Variants in DSCAM observed in about 807,000 individuals in gnomAD.
DSCAM encodes cell adhesion molecule DSCAM.
In DSCAM, 47 loss-of-function variants were observed where a neutral mutation model predicts 217.7. The observed-to-expected ratio is 0.22, with a 90% CI of 0.17 to 0.28. The LOEUF is 0.28. DSCAM is among the 10% of genes least tolerant of loss of function. The pLI is 1.00. For missense variants in DSCAM, 2,080 were observed against 2,618.3 expected, an observed-to-expected ratio of 0.79 and a Z score of 4.49; for synonymous variants, 1,056 against 1,015.3, an observed-to-expected ratio of 1.04 and a Z score of -0.76.
At chr21:40,404,008 A>G (rs1245817782) in intron 3 of DSCAM, among the ~76,000 whole-genome samples, 1 of 152,204 alleles carries the variant, frequency 6.6e-6, no homozygotes, top group Non-Finnish European at 1.5e-5. Flanking sequence ...AGAAACTGAC[A>G]TAGATTATCT....
chr21:40,330,907 C>A (rs549271914), intron 8 of DSCAM, among the ~76,000 whole-genome samples: 6 of 152,146 alleles, frequency 3.9e-5, no homozygotes, highest in Non-Finnish European at 7.4e-5. Context: ...TTCCCCAGGT[C>A]TATATTTCTC....
In DSCAM at chr21:40,042,563, A is replaced by G; in HGVS notation, c.5494T>C (p.Phe1832Leu). The G allele has an allele frequency of 6.2e-7, 1 of 1,614,104 alleles. No homozygotes were observed. Among genetic ancestry groups the G allele is most frequent in the South Asian group, 1.1e-5 (1 of 91,078 alleles). Reference protein sequence around the residue: ...KMEEQLRHAKFTITECFISDT... With the variant: ...KMEEQLRHAKLTITECFISDT... ...GATATGAAGCACTCCGTGATGGTGA[A>G]CTTGGCGTGCCTCAGTTGCTCTTCC... The change falls in exon 32 of 33, where the codon TTC (phenylalanine) becomes CTC (leucine). Residue 1832 changes from phenylalanine to leucine, a missense_variant. Phe to Leu is a conservative substitution (Grantham distance 22). Around this residue, in one of 5 missense-constraint regions of DSCAM, gnomAD observed 1,144 missense variants for 1,421.1 expected, o/e 0.81. Transcript: ENST00000400454.
At chr21:40,599,819 T>C (rs1461361280) in intron 3 of DSCAM, among the ~76,000 whole-genome samples, 1 of 152,178 alleles carries the variant, frequency 6.6e-6, no homozygotes, top group African/African-American at 2.4e-5. Flanking sequence ...CAGAGAATAC[T>C]ATAAACACCT....
chr21:40,639,909 G>GA (rs941796889), intron 3 of DSCAM, among the ~76,000 whole-genome samples: 28 of 152,048 alleles, frequency 1.8e-4, no homozygotes, highest in Admixed American at 9.8e-4. Flanking sequence ...AATGGGAGGA[G>GA]AAAAAAACCC....
At chr21:40,352,232 T>G (rs775269210) in intron 5 of DSCAM, among the ~76,000 whole-genome samples, 2 of 152,152 alleles carry the variant, frequency 1.3e-5, no homozygotes, top group Non-Finnish European at 2.9e-5. Flanking sequence ...TCCTAAGATA[T>G]AAACTTTATT....
At chr21:40,188,039 T>G in intron 12 of DSCAM, 52 bp from the exon 13 acceptor site, 3 of 1,456,342 alleles carry the variant, frequency 2.1e-6, no homozygotes, top group Non-Finnish European at 2.9e-6. Flanking sequence ...AAAATGACTT[T>G]GAGCCGTAAA....
intron 3 of DSCAM, among the ~76,000 whole-genome samples, chr21:40,542,844 T>C (rs1264966253): frequency 6.6e-6 from 1 of 152,152 alleles, no homozygotes; most frequent in Non-Finnish European, 1.5e-5. Context: ...ATTTGCACCA[T>C]TAACCAGACT....
chr21:40,435,001 C>T (rs2075570334), intron 3 of DSCAM, among the ~76,000 whole-genome samples: 2 of 152,174 alleles, frequency 1.3e-5, no homozygotes, highest in East Asian at 1.9e-4. Flanking sequence ...TCCTGAAAGA[C>T]CTACATTGTC....
At chr21:40,082,998 C>T (rs973998886) in intron 24 of DSCAM, among the ~76,000 whole-genome samples, 1 of 152,174 alleles carries the variant, frequency 6.6e-6, no homozygotes, top group African/African-American at 2.4e-5. Flanking sequence ...TGTTCTCTGC[C>T]TTAGGAAGTC....
At chr21:40,501,695 G>A (rs1251193884) in intron 3 of DSCAM, among the ~76,000 whole-genome samples, 1 of 152,188 alleles carries the variant, frequency 6.6e-6, no homozygotes, top group East Asian at 1.9e-4. Flanking sequence ...GGGTTCAAGC[G>A]ATTCTCCTGT....
intron 3 of DSCAM, among the ~76,000 whole-genome samples, chr21:40,647,224 C>T (rs1039947417): frequency 1.1e-4 from 17 of 152,252 alleles, no homozygotes; most frequent in African/African-American, 3.4e-4. Context: ...AAAGGCCAAT[C>T]GATTTGCTCT....
At position 40,692,860 on chromosome 21, in the gene DSCAM, G is replaced by A. The variant is rs756373766; in HGVS notation, c.458C>T (p.Ala153Val). The change falls in exon 3 of 33, where the codon GCG (alanine) becomes GTG (valine). Residue 153 changes from alanine to valine, a missense_variant. Physicochemically the swap from Ala to Val is moderately conservative, Grantham distance 64. This residue lies in a region of DSCAM where 568 missense variants were observed against 678.1 expected (regional missense o/e 0.84). Coordinates refer to ENST00000400454, the MANE Select transcript of DSCAM (RefSeq NM_001389.5). ...FKCIIPSSVEAYITVVSWEKD... is the reference protein window; with the variant it reads ...FKCIIPSSVEVYITVVSWEKD... Reference sequence around the variant, plus strand: ...CTCCCATGAGACGACAGTGATGTACGCCTCCACCGAGGAGGGGATAATGCA... The same window carrying A: ...CTCCCATGAGACGACAGTGATGTACACCTCCACCGAGGAGGGGATAATGCA... 1.4e-5 allele frequency: 23 copies of A among 1,613,864 alleles called. No individual in the cohort carries two copies. Among genetic ancestry groups the A allele is most frequent in the South Asian group, 6.6e-5 (6 of 91,068 alleles).
chr21:40,264,629 G>A (rs1258063330), intron 11 of DSCAM, among the ~76,000 whole-genome samples: 1 of 152,134 alleles, frequency 6.6e-6, no homozygotes, highest in Non-Finnish European at 1.5e-5. Flanking sequence ...AAAGCTGAAA[G>A]CATTCAACTG....
In DSCAM at chr21:40,818,547, C is replaced by CA. The variant is rs60730859; in HGVS notation, c.43+28071dup. Among the ~76,000 whole-genome samples, 41 of 41,852 alleles carry CA rather than the reference C, an allele frequency of 9.8e-4. 11 individuals are homozygous for CA. The highest frequency in any genetic ancestry group is 4.0e-3 in the East Asian group (3 of 758). 27.5% of individuals were successfully genotyped at this position (41,852 alleles called of 152,430 possible). On this transcript the variant is annotated intron_variant, in intron 1 of 32. Transcript: ENST00000400454. ...GGCTACACAGCCAGACTCCGTCTCA[C>CA]AAAAAAAAAAAAAAAAAAAAAAAAA...
At chr21:40,694,851 A>C (rs539215300) in intron 2 of DSCAM, among the ~76,000 whole-genome samples, 1 of 152,180 alleles carries the variant, frequency 6.6e-6, no homozygotes, top group Admixed American at 6.5e-5. Context: ...CTACGGTAAT[A>C]GATTAGAAAA....
intron 3 of DSCAM, among the ~76,000 whole-genome samples, chr21:40,452,123 T>C (rs1321680928): frequency 3.9e-5 from 6 of 151,944 alleles, no homozygotes; most frequent in Admixed American, 2.0e-4. Context: ...GAAAAATACA[T>C]CCAATGAAAA....
intron 32 of DSCAM, among the ~76,000 whole-genome samples, chr21:40,036,929 G>C (rs1477561081): frequency 9.3e-5 from 14 of 150,630 alleles, no homozygotes; most frequent in African/African-American, 1.8e-4. Flanking sequence ...ATGATTATCT[G>C]CATAGATGCA....
chr21:40,391,426 AAGATT>A (rs1361974447), intron 3 of DSCAM, among the ~76,000 whole-genome samples: 1 of 152,270 alleles, frequency 6.6e-6, no homozygotes, highest in African/African-American at 2.4e-5. Flanking sequence ...GCAGATTGAG[AAGATT>A]AGAGAACCAT....
chr21:40,495,752 C>T (rs1187339784), intron 3 of DSCAM, among the ~76,000 whole-genome samples: 1 of 152,100 alleles, frequency 6.6e-6, no homozygotes, highest in Non-Finnish European at 1.5e-5. Context: ...TCACTGTTTG[C>T]AGGCTACATA....
Sources: allele counts gnomAD v4.1 joint callset (sites outside exome capture counted in the v4.1 genomes callset), GRCh38; gene constraint gnomAD v4.1.1; regional missense constraint gnomAD v4.1.1; transcripts MANE v1.5; gene names NCBI Gene and HGNC (gene_info 2026-07-23, HGNC 2026-07-21).